Variants in SCAI observed in about 807,000 individuals in gnomAD.
SCAI encodes protein SCAI.
In SCAI, 24 loss-of-function variants were observed where a neutral mutation model predicts 92.2. The ratio of observed to expected loss-of-function variants is 0.26; its 90% CI spans 0.19 to 0.37. The LOEUF (loss-of-function observed/expected upper bound fraction) is 0.37. SCAI is among the 10% of genes least tolerant of loss of function. SCAI has a pLI of 1.00. For synonymous variants in SCAI, 261 were observed against 258.6 expected, an observed-to-expected ratio of 1.01 and a Z score of -0.09; for missense variants, 450 against 736.2, an observed-to-expected ratio of 0.61 and a Z score of 4.50.
chr9:125,097,202 G>T (rs1834577398), intron 2 of SCAI, among the ~76,000 whole-genome samples: 1 of 152,230 alleles, frequency 6.6e-6, no homozygotes, highest in South Asian at 2.1e-4. Flanking sequence ...GGAGACCGAG[G>T]TGGGCAGATC....
intron 3 of SCAI, among the ~76,000 whole-genome samples, chr9:125,030,410 T>C (rs1437369194): frequency 6.6e-6 from 1 of 152,238 alleles, no homozygotes; most frequent in Non-Finnish European, 1.5e-5. Flanking sequence ...TTCTTCAGCC[T>C]GGAACACTGA....
chr9:124,961,784 T>C (rs1831441062), intron 17 of SCAI, among the ~76,000 whole-genome samples: 1 of 151,916 alleles, frequency 6.6e-6, no homozygotes, highest in Admixed American at 6.6e-5. Flanking sequence ...CTAACACAGT[T>C]AAAAATCCAT....
At chr9:125,061,025 C>T (rs1027030685) in intron 2 of SCAI, among the ~76,000 whole-genome samples, 8 of 152,190 alleles carry the variant, frequency 5.3e-5, no homozygotes, top group African/African-American at 1.7e-4. Context: ...TGGCCAGGCA[C>T]GGTGGCTCAC....
intron 2 of SCAI, among the ~76,000 whole-genome samples, chr9:125,092,007 G>A (rs910480856): frequency 6.6e-6 from 1 of 151,796 alleles, no homozygotes; most frequent in African/African-American, 2.4e-5. Flanking sequence ...GTGGGCGCCT[G>A]TAGTCCCAGC....
chr9:125,126,499 GT>G (rs1276638829), intron 2 of SCAI, among the ~76,000 whole-genome samples: 1 of 138,410 alleles, frequency 7.2e-6, no homozygotes, highest in African/African-American at 2.6e-5. Flanking sequence ...GCAGAAGCCA[GT>G]TTTTTTAAAA....
intron 2 of SCAI, among the ~76,000 whole-genome samples, chr9:125,136,401 C>T (rs1485494075): frequency 6.7e-6 from 1 of 149,416 alleles, no homozygotes; most frequent in Non-Finnish European, 1.5e-5. Flanking sequence ...GAATTTATAT[C>T]ATTTGATATT....
At chr9:124,988,877 C>T (rs1425101105) in intron 14 of SCAI, among the ~76,000 whole-genome samples, 2 of 152,202 alleles carry the variant, frequency 1.3e-5, no homozygotes, top group Admixed American at 6.5e-5. Flanking sequence ...CAGTGGCTCA[C>T]GCCTGTAATC....
chr9:124,984,394 C>T (rs908901251), intron 14 of SCAI, among the ~76,000 whole-genome samples: 1 of 152,138 alleles, frequency 6.6e-6, no homozygotes, highest in Non-Finnish European at 1.5e-5. Flanking sequence ...GCATATCTGT[C>T]TTATAGGCAC....
chr9:124,963,839 G>A (rs997396364), intron 17 of SCAI, among the ~76,000 whole-genome samples: 3 of 151,226 alleles, frequency 2.0e-5, no homozygotes, highest in African/African-American at 7.3e-5. Context: ...AATGGAAGTG[G>A]ATTATCATAA....
At chr9:125,051,397 C>T (rs529864961) in intron 3 of SCAI, among the ~76,000 whole-genome samples, 1 of 152,230 alleles carries the variant, frequency 6.6e-6, no homozygotes, top group Non-Finnish European at 1.5e-5. Context: ...ATTTGCTTAT[C>T]CACTCTTCCA....
intron 14 of SCAI, among the ~76,000 whole-genome samples, chr9:124,980,126 T>C (rs778726579): frequency 2.6e-5 from 4 of 151,830 alleles, no homozygotes; most frequent in Non-Finnish European, 2.9e-5. Flanking sequence ...AGGGAGTAAA[T>C]TGAATGATTC....
At chr9:125,117,119 T>A (rs964127234) in intron 2 of SCAI, among the ~76,000 whole-genome samples, 4 of 152,174 alleles carry the variant, frequency 2.6e-5, no homozygotes, top group Admixed American at 1.3e-4. Context: ...TAACTACTTA[T>A]CCATCATCTC....
chr9:125,142,297 C>T (rs1007878470), intron 2 of SCAI: 4 of 195,170 alleles, frequency 2.0e-5, no homozygotes, highest in Non-Finnish European at 3.2e-5. Flanking sequence ...CCACCCCAGC[C>T]AAGATGAGCT....
intron 2 of SCAI, among the ~76,000 whole-genome samples, chr9:125,125,487 C>G (rs1835242263): frequency 6.6e-6 from 1 of 151,788 alleles, no homozygotes; most frequent in South Asian, 2.1e-4. Flanking sequence ...AAGATCGTGC[C>G]ACTCCACTCC....
intron 17 of SCAI, among the ~76,000 whole-genome samples, chr9:124,960,362 T>C (rs962755874): frequency 6.6e-5 from 10 of 152,254 alleles, no homozygotes; most frequent in Admixed American, 3.3e-4. Flanking sequence ...CCTGAAGTAT[T>C]CAGATTACAG....
At chr9:125,030,530 G>C (rs1458220871) in intron 3 of SCAI, among the ~76,000 whole-genome samples, 3 of 152,194 alleles carry the variant, frequency 2.0e-5, no homozygotes, top group African/African-American at 4.8e-5. Context: ...GGTTGTTACA[G>C]CAGCCTTACT....
rs1180923723 is a variant in SCAI, at chr9:124,949,375, T to C, written c.*3432A>G. ...TCTCAAAAACAAAAAACAAAAAAAC[T>C]ATGTTTAAAACTTTCATAAAAAGAA... On this transcript the variant is annotated 3_prime_UTR_variant, in exon 18 of 18. Transcript: ENST00000336505. The surrounding 1 kb of genome is among the most constrained non-coding windows in gnomAD (Gnocchi z 4.0). 1 of 152,184 alleles carries C rather than the reference T, an allele frequency of 6.6e-6. No individual in the cohort carries two copies. The highest frequency in any genetic ancestry group is 6.5e-5 in the Admixed American group (1 of 15,272). The allele number at this position is 152,184 out of a possible 1,614,324, so 9.4% of individuals were successfully genotyped here.
intron 2 of SCAI, among the ~76,000 whole-genome samples, chr9:125,061,622 T>C (rs969171324): frequency 1.3e-5 from 2 of 152,044 alleles, no homozygotes; most frequent in South Asian, 2.1e-4. Context: ...TAGCCAGGCA[T>C]GGTGGCACAT....
At chr9:125,060,192 C>T (rs1833745130) in intron 2 of SCAI, among the ~76,000 whole-genome samples, 1 of 150,124 alleles carries the variant, frequency 6.7e-6, no homozygotes, top group Non-Finnish European at 1.5e-5. Context: ...AACATGGCTA[C>T]TCTGAATTGA....
Sources: gnomAD v4.1 joint callset for allele counts (sites outside exome capture counted in the v4.1 genomes callset) on GRCh38, gnomAD v4.1.1 for gene constraint, Gnocchi (gnomAD v3.1) non-coding constraint, MANE v1.5 for transcripts, NCBI Gene and HGNC (gene_info 2026-07-23, HGNC 2026-07-21) for gene names.